The following DAB2IP variants were observed in gnomAD, a reference collection of about 807,000 sequenced individuals.
The protein encoded by DAB2IP is DAB2 interacting protein.
In DAB2IP, 28 loss-of-function variants were observed where a neutral mutation model predicts 107.2. The observed-to-expected ratio is 0.26, with a 90% CI of 0.19 to 0.36. The LOEUF (loss-of-function observed/expected upper bound fraction) is 0.36, where lower values mean the gene tolerates loss of function less well. Ranked by LOEUF, DAB2IP falls within the 10% of genes least tolerant of loss-of-function variation. The probability of loss-of-function intolerance (pLI) is 1.00; values close to 1 mark genes in which losing one functional copy is unlikely to be tolerated. For missense variants in DAB2IP, 1,400 were observed against 1,644.7 expected, an observed-to-expected ratio of 0.85 and a Z score of 2.57; for synonymous variants, 755 against 706.4, an observed-to-expected ratio of 1.07 and a Z score of -1.09.
At position 121,708,072 on chromosome 9, in the gene DAB2IP, C is replaced by T. The variant is rs148270576; in HGVS notation, c.362+8614C>T. On this transcript the variant is annotated intron_variant, in intron 3 of 15. Coordinates refer to ENST00000408936, the Ensembl canonical transcript of DAB2IP. ...CCACCCCAGACCTTCTGAATTATAC[C>T]CTCTGGGTGGGGTGGTCTTGCTTCC... 9.5e-3 allele frequency among the ~76,000 whole-genome samples: 1,441 copies of T among 152,290 alleles called. 38 individuals carry two copies. Among genetic ancestry groups the T allele is most frequent in the Admixed American group, 0.057 (875 of 15,294 alleles).
At position 121,599,655 on chromosome 9, in the gene DAB2IP, G is replaced by A. The variant is rs1830624828; in HGVS notation, c.40+32427G>A. The stretch of plus-strand genomic sequence containing the variant: ...CAGCTGGCGCGAAGGAAACTTTCCT[G>A]CAGCCGCCCGGCGACACCGCGACTC... On this transcript the variant is annotated intron_variant, in intron 1 of 16. Transcript: ENST00000259371. The surrounding 1 kb of genome is among the most constrained non-coding windows in gnomAD (Gnocchi z 6.9). Among the ~76,000 whole-genome samples, 1 of 152,136 alleles carries A rather than the reference G, an allele frequency of 6.6e-6. No individual in the cohort carries two copies. The highest frequency in any genetic ancestry group is 6.5e-5 in the Admixed American group (1 of 15,286).
intron 2 of DAB2IP, among the ~76,000 whole-genome samples, chr9:121,692,641 T>TGA (rs1400488064): frequency 6.6e-6 from 1 of 152,180 alleles, no homozygotes; most frequent in East Asian, 1.9e-4. Context: ...CTCACTGGTA[T>TGA]GAGATTGTAG....
chr9:121,714,445 C>T (rs529264880), intron 3 of DAB2IP, among the ~76,000 whole-genome samples: 12 of 152,200 alleles, frequency 7.9e-5, no homozygotes, highest in Non-Finnish European at 1.6e-4. Context: ...GAGTCCTGAG[C>T]AGCAGGGAGA....
At chr9:121,680,547 C>T (rs1828530050) in intron 2 of DAB2IP, among the ~76,000 whole-genome samples, 1 of 152,116 alleles carries the variant, frequency 6.6e-6, no homozygotes, top group Admixed American at 6.5e-5. Context: ...GGGTGACCCC[C>T]ATCAGCTGGA....
intron 1 of DAB2IP, among the ~76,000 whole-genome samples, chr9:121,637,716 C>T (rs1313550101): frequency 3.9e-5 from 6 of 152,158 alleles, no homozygotes; most frequent in Admixed American, 1.3e-4. Context: ...AGATTTCTCC[C>T]GGGAGAGGCC....
At chr9:121,567,829 G>C (rs772873562) in intron 1 of DAB2IP, among the ~76,000 whole-genome samples, 3 of 152,150 alleles carry the variant, frequency 2.0e-5, no homozygotes, top group Admixed American at 6.5e-5. Flanking sequence ...GGGTTCCTTC[G>C]TGGTGGTTTC....
At chr9:121,579,373 G>A (rs1263276714) in intron 1 of DAB2IP, among the ~76,000 whole-genome samples, 9 of 151,732 alleles carry the variant, frequency 5.9e-5, no homozygotes, top group African/African-American at 9.7e-5. Context: ...GTTTCCTCTC[G>A]CCTGTCTCTT....
chr9:121,730,421 G>A (rs1470643790), intron 3 of DAB2IP, among the ~76,000 whole-genome samples: 1 of 152,222 alleles, frequency 6.6e-6, no homozygotes, highest in Non-Finnish European at 1.5e-5. Context: ...ACCAATTATA[G>A]CTCCATATTG....
At chr9:121,679,199 A>G (rs1384042305) in intron 2 of DAB2IP, among the ~76,000 whole-genome samples, 1 of 152,052 alleles carries the variant, frequency 6.6e-6, no homozygotes, top group South Asian at 2.1e-4. Flanking sequence ...CATAATTTAA[A>G]TCTTTCTTGG....
intron 3 of DAB2IP, among the ~76,000 whole-genome samples, chr9:121,749,266 T>TA (rs1368506634): frequency 6.6e-6 from 1 of 152,240 alleles, no homozygotes; most frequent in Non-Finnish European, 1.5e-5. Context: ...CTGCCCTGTT[T>TA]ATGTCCTGCC....
intron 3 of DAB2IP, among the ~76,000 whole-genome samples, chr9:121,718,293 G>A (rs1023195275): frequency 2.0e-5 from 3 of 152,232 alleles, no homozygotes; most frequent in Admixed American, 1.3e-4. Flanking sequence ...CTCAGGCAGC[G>A]TTCAGGCAGA....
chr9:121,778,377 A>G (rs1224047518), intron 14 of DAB2IP, among the ~76,000 whole-genome samples: 1 of 152,256 alleles, frequency 6.6e-6, no homozygotes, highest in African/African-American at 2.4e-5. Context: ...ATCTATATAT[A>G]TGAAGTGGGT....
intron 2 of DAB2IP, among the ~76,000 whole-genome samples, chr9:121,684,000 C>A (rs1237865537): frequency 6.6e-6 from 1 of 152,110 alleles, no homozygotes; most frequent in Non-Finnish European, 1.5e-5. Flanking sequence ...GATACAAGAA[C>A]CACAGTGGAT....
chr9:121,664,254 T>C (rs1162382465), intron 1 of DAB2IP, among the ~76,000 whole-genome samples: 3 of 152,270 alleles, frequency 2.0e-5, no homozygotes, highest in African/African-American at 7.2e-5. Context: ...ATGTCTATCC[T>C]TATGCTAATA....
chr9:121,699,321 G>T lies in DAB2IP; in HGVS notation c.229-4G>T. 7.1e-7 allele frequency: 1 copy of T among 1,411,722 alleles called. No homozygotes were observed. The highest frequency in any genetic ancestry group is 9.4e-7 in the Non-Finnish European group (1 of 1,065,488). 87.4% of individuals were successfully genotyped at this position (1,411,722 alleles called of 1,614,324 possible). A position where few individuals can be genotyped will look rare whatever the true frequency, so the allele number is the denominator to read the frequency against. ...CCTTCCCCCTCTTGTCCCCCCGTGC[G>T]CAGGGCTTCCTCAGCCGCCGCCTCA... On this transcript the variant is annotated splice_polypyrimidine_tract_variant and splice_region_variant and intron_variant, in intron 2 of 15. Transcript: ENST00000408936. The surrounding 1 kb of genome is among the most constrained non-coding windows in gnomAD (Gnocchi z 6.2).
At chr9:121,759,049 T>G in intron 5 of DAB2IP, 53 bp downstream of exon 5, 1 of 1,543,446 alleles carries the variant, frequency 6.5e-7, no homozygotes, top group Non-Finnish European at 8.8e-7. Flanking sequence ...TAGGCTCAGA[T>G]AGGAGGAAAC....
intron 3 of DAB2IP, among the ~76,000 whole-genome samples, chr9:121,725,192 G>T (rs1831168374): frequency 6.6e-6 from 1 of 152,222 alleles, no homozygotes; most frequent in African/African-American, 2.4e-5. Context: ...TGTGTGTCCA[G>T]CCTTGCTGTT....
At chr9:121,621,984 C>CTTTTTTTTTTTTTT (rs1202929145) in intron 1 of DAB2IP, among the ~76,000 whole-genome samples, 4 of 99,714 alleles carry the variant, frequency 4.0e-5, no homozygotes, top group East Asian at 2.7e-4. Context: ...TTTTTTCTTT[C>CTTTTTTTTTTTTTT]TTTTTTTTTT....
At chr9:121,713,764 C>G (rs184033135) in intron 3 of DAB2IP, among the ~76,000 whole-genome samples, 121 of 152,270 alleles carry the variant, frequency 7.9e-4, no homozygotes, top group Admixed American at 1.5e-3. Flanking sequence ...CTCAGGCCAA[C>G]TGTTTTATAT....
Sources: gnomAD v4.1 joint callset for allele counts (sites outside exome capture counted in the v4.1 genomes callset) on GRCh38, gnomAD v4.1.1 for gene constraint, Gnocchi (gnomAD v3.1) non-coding constraint, MANE v1.5 for transcripts, NCBI Gene and HGNC (gene_info 2026-07-23, HGNC 2026-07-21) for gene names.